RSRC1: variants seen among roughly 807,000 people sequenced by gnomAD.
RSRC1 encodes the protein serine/Arginine-related protein 53.
In RSRC1, 39 loss-of-function variants were observed where a neutral mutation model predicts 49.1. The ratio of observed to expected loss-of-function variants is 0.79; its 90% confidence interval spans 0.61 to 1.04. The LOEUF (loss-of-function observed/expected upper bound fraction) is 1.04. RSRC1 is among the 50% of genes least tolerant of loss of function. The pLI, the probability that RSRC1 is intolerant of heterozygous loss-of-function variation, is 0.00. For synonymous variants in RSRC1, 143 were observed against 130.8 expected (o/e 1.09, Z -0.63); for missense variants, 388 against 402.4 (o/e 0.96, Z 0.31).
intron 3 of RSRC1, among the ~76,000 whole-genome samples, chr3:158,131,390 G>A (rs145127310): frequency 5.2e-4 from 79 of 151,868 alleles, no homozygotes; most frequent in African/African-American, 1.8e-3. Flanking sequence ...CTTATCTCTT[G>A]ATTTTTTTGT....
chr3:158,417,098 C>G (rs1335069581), intron 6 of RSRC1, among the ~76,000 whole-genome samples: 1 of 151,976 alleles, frequency 6.6e-6, no homozygotes. Flanking sequence ...GGTCCCCACT[C>G]TTTTAGGTAG....
chr3:158,512,175 A>G (rs1425373582), intron 7 of RSRC1, among the ~76,000 whole-genome samples: 2 of 148,302 alleles, frequency 1.3e-5, no homozygotes, highest in Non-Finnish European at 3.0e-5. Flanking sequence ...TGTTTTAGAC[A>G]TGAAGTCCTT....
At chr3:158,246,748 C>T (rs1322250903) in intron 4 of RSRC1, among the ~76,000 whole-genome samples, 1 of 152,152 alleles carries the variant, frequency 6.6e-6, no homozygotes, top group Non-Finnish European at 1.5e-5. Flanking sequence ...GCTGAGAGGT[C>T]CACCGATAGT....
In RSRC1 at chr3:158,543,397, T is replaced by G; in HGVS notation, c.822T>G (p.Ala274=). 6.2e-7 allele frequency: 1 copy of G among 1,602,288 alleles called. No individual in the cohort carries two copies. The highest frequency in any genetic ancestry group is 8.5e-7 in the Non-Finnish European group (1 of 1,175,016). Residue 274 remains alanine, a synonymous_variant, in exon 9 of 10, where the codon GCT becomes GCG. Transcript: ENST00000611884. ...TSTSGPASAV[A]DPPSTEKEID... is the part of the protein sequence containing the mutation. ...CATCAGGACCAGCATCAGCAGTTGC[T>G]GATCCACCCAGTACTGAAAAAGAAA...
intron 4 of RSRC1, among the ~76,000 whole-genome samples, chr3:158,256,555 G>A (rs1724572686): frequency 6.6e-6 from 1 of 152,146 alleles, no homozygotes; most frequent in African/African-American, 2.4e-5. Flanking sequence ...TCTCTGCTAG[G>A]TTTTGGTATC....
At chr3:158,202,470 G>A (rs1721098214) in intron 3 of RSRC1, among the ~76,000 whole-genome samples, 2 of 149,558 alleles carry the variant, frequency 1.3e-5, no homozygotes, top group African/African-American at 5.0e-5. Context: ...AAATCCACAT[G>A]TAAGTGGATC....
Position 158,133,598 on chromosome 3 carries a change from G to A in RSRC1, c.320+9607G>A, listed in dbSNP as rs1125359. On this transcript the variant is annotated intron_variant, in intron 3 of 9. Coordinates refer to ENST00000611884, the MANE Select transcript of RSRC1 (RefSeq NM_001271838.2). ...GCAATCTTTTTAAAGACAATAATTC[G>A]TCTGTGAAATGCAGGCATATCTTCA... 4.3e-3 allele frequency among the ~76,000 whole-genome samples: 650 copies of A among 152,188 alleles called. 3 individuals are homozygous for A. Among genetic ancestry groups the A allele is most frequent in the Admixed American group, 6.3e-3 (97 of 15,276 alleles).
intron 3 of RSRC1, among the ~76,000 whole-genome samples, chr3:158,169,231 G>T (rs1242846183): frequency 6.6e-6 from 1 of 152,150 alleles, no homozygotes; most frequent in African/African-American, 2.4e-5. Flanking sequence ...ACATCAGAGG[G>T]ATGAAAACTC....
At chr3:158,215,813 T>C (rs546687255) in intron 4 of RSRC1, among the ~76,000 whole-genome samples, 32 of 151,972 alleles carry the variant, frequency 2.1e-4, no homozygotes, top group African/African-American at 7.7e-4. Context: ...AGTTTATAGT[T>C]TTTGCTTTAA....
At chr3:158,461,432 A>G (rs575215108) in intron 7 of RSRC1, among the ~76,000 whole-genome samples, 11 of 152,018 alleles carry the variant, frequency 7.2e-5, no homozygotes, top group African/African-American at 2.4e-4. Context: ...AAATAGTCAT[A>G]TGAAATCCAT....
intron 1 of RSRC1, among the ~76,000 whole-genome samples, chr3:158,118,462 T>TGTGTGCGC (rs1491469875): frequency 0.022 from 2,713 of 124,602 alleles, 79 homozygotes; most frequent in Middle Eastern, 0.035. Flanking sequence ...TGTGTGTGTG[T>TGTGTGCGC]GCGCGTGCGC....
At chr3:158,126,032 TG>T (rs1715603131) in intron 3 of RSRC1, among the ~76,000 whole-genome samples, 1 of 152,152 alleles carries the variant, frequency 6.6e-6, no homozygotes, top group African/African-American at 2.4e-5. Context: ...GCTCTTTTTT[TG>T]TACCATTTGT....
chr3:158,155,093 A>C (rs1217161381), intron 3 of RSRC1, among the ~76,000 whole-genome samples: 2 of 152,016 alleles, frequency 1.3e-5, no homozygotes, highest in African/African-American at 4.8e-5. Flanking sequence ...GTCACACATA[A>C]GGGTCTTGGA....
At chr3:158,300,795 A>G (rs1229408090) in intron 5 of RSRC1, among the ~76,000 whole-genome samples, 1 of 152,188 alleles carries the variant, frequency 6.6e-6, no homozygotes, top group Non-Finnish European at 1.5e-5. Flanking sequence ...GCATTGTTCT[A>G]AGGGGGTAAA....
At chr3:158,191,814 TC>T (rs751141346) in intron 3 of RSRC1, among the ~76,000 whole-genome samples, 4 of 152,034 alleles carry the variant, frequency 2.6e-5, no homozygotes, top group Non-Finnish European at 4.4e-5. Flanking sequence ...GGGTAGGAAA[TC>T]TCTTTACTCT....
chr3:158,327,037 C>T (rs544081844), intron 5 of RSRC1, among the ~76,000 whole-genome samples: 68 of 152,276 alleles, frequency 4.5e-4, no homozygotes, highest in African/African-American at 1.6e-3. Context: ...ATAGTATTCT[C>T]TGATGGTAGT....
intron 4 of RSRC1, among the ~76,000 whole-genome samples, chr3:158,248,858 T>C (rs908446516): frequency 1.3e-5 from 2 of 151,696 alleles, no homozygotes; most frequent in African/African-American, 4.9e-5. Flanking sequence ...CAGCTTAGGT[T>C]AACTTTTTAA....
intron 3 of RSRC1, among the ~76,000 whole-genome samples, chr3:158,186,192 A>G (rs1384360568): frequency 6.6e-6 from 1 of 151,980 alleles, no homozygotes; most frequent in Non-Finnish European, 1.5e-5. Context: ...ATGTATAAAA[A>G]TGTTATGCAG....
intron 4 of RSRC1, among the ~76,000 whole-genome samples, chr3:158,225,189 G>T (rs1722458647): frequency 6.6e-6 from 1 of 151,842 alleles, no homozygotes; most frequent in African/African-American, 2.4e-5. Flanking sequence ...CAGATGAGTA[G>T]AGTGTGACCA....
Sources: gnomAD v4.1 joint callset for allele counts (sites outside exome capture counted in the v4.1 genomes callset) on GRCh38, gnomAD v4.1.1 for gene constraint, MANE v1.5 for transcripts, NCBI Gene and HGNC (gene_info 2026-07-23, HGNC 2026-07-21) for gene names.